The following ZNF638 variants were observed in gnomAD, a reference collection of about 807,000 sequenced individuals.
ZNF638 encodes the protein CTCL tumor antigen se33-1.
A neutral mutation model predicts 195.6 loss-of-function variants in ZNF638; 46 were observed. The ratio of observed to expected loss-of-function variants is 0.24; its 90% CI spans 0.19 to 0.30. The LOEUF (loss-of-function observed/expected upper bound fraction) is 0.30, where lower values mean the gene tolerates loss of function less well. Among genes scored for constraint, ZNF638 ranks in the 10% least tolerant of loss-of-function variants. The probability of loss-of-function intolerance (pLI) is 1.00; values close to 1 mark genes in which losing one functional copy is unlikely to be tolerated. For missense variants in ZNF638, 2,440 were observed against 2,325.3 expected (o/e 1.05, Z -1.01); for synonymous variants, 845 against 772.0 (o/e 1.09, Z -1.57).
chr2:71,386,895 T>A (rs1014944713), intron 10 of ZNF638, among the ~76,000 whole-genome samples: 1 of 152,068 alleles, frequency 6.6e-6, no homozygotes, highest in African/African-American at 2.4e-5. Context: ...TTGCCCAGGC[T>A]GGAGTTCAGT....
chr2:71,367,710 A>T (rs2079227118), intron 6 of ZNF638, among the ~76,000 whole-genome samples: 4 of 149,902 alleles, frequency 2.7e-5, no homozygotes, highest in Admixed American at 2.7e-4. Context: ...AAGTGCTGGG[A>T]TTACAGGCGT....
chr2:71,367,682 A>C (rs1007056001), intron 6 of ZNF638, among the ~76,000 whole-genome samples: 3 of 150,506 alleles, frequency 2.0e-5, no homozygotes, highest in South Asian at 2.1e-4. Context: ...CTTGTGATCT[A>C]TCCACCTTGG....
At chr2:71,335,846 A>G (rs921558736) in intron 1 of ZNF638, among the ~76,000 whole-genome samples, 3 of 152,190 alleles carry the variant, frequency 2.0e-5, no homozygotes, top group African/African-American at 7.2e-5. Context: ...GTTGTAACTC[A>G]CTACCTCCCA....
Position 71,433,019 on chromosome 2 carries a change from A to G in ZNF638, c.5753-146A>G. ...GGAGAATCACATGAACCCAGGAGGC[A>G]GAGGTTGCAGTGAGCTGACATCGCG... On this transcript the variant is annotated intron_variant, in intron 26 of 27. Transcript: ENST00000264447. The G allele has an allele frequency of 3.0e-6, 2 of 676,828 alleles. 1 individual carries two copies. Among genetic ancestry groups the G allele is most frequent in the South Asian group, 3.5e-5 (2 of 56,702 alleles). The allele number at this position is 676,828 out of a possible 1,614,324, so 41.9% of individuals were successfully genotyped here.
chr2:71,418,464 C>T, intron 20 of ZNF638, 138 bp from the exon 21 acceptor site: 1 of 508,476 alleles, frequency 2.0e-6, no homozygotes, highest in African/African-American at 2.0e-5. Context: ...GTAATGTAGA[C>T]ACTGAAAACT....
chr2:71,365,789 G>GACCTCA, intron 6 of ZNF638, 83 bp downstream of exon 6: 1 of 1,309,584 alleles, frequency 7.6e-7, no homozygotes, highest in Non-Finnish European at 1.0e-6. Flanking sequence ...CAACAAGCAT[G>GACCTCA]GCTCACTGCA....
intron 1 of ZNF638, among the ~76,000 whole-genome samples, chr2:71,337,694 A>T (rs565830166): frequency 6.6e-6 from 1 of 152,174 alleles, no homozygotes; most frequent in Non-Finnish European, 1.5e-5. Flanking sequence ...GCATGAGCCA[A>T]TGCGCAGCCT....
rs2080477137 is a variant in ZNF638, at chr2:71,423,693, C to A, written c.4179C>A (p.Ser1393Arg). Residue 1393 changes from serine (S) to arginine (R), a missense_variant, in exon 22 of 28, where the codon AGC becomes AGA. By Grantham distance (110) the Ser-to-Arg change is moderately radical (BLOSUM62 -1). Coordinates refer to ENST00000264447, the MANE Select transcript of ZNF638 (RefSeq NM_014497.5). ...AVSDVSSSKP[S>R]IKAVIVSSPK... ...CAGATGTATCTAGCAGTAAACCAAG[C>A]ATCAAGGCTGTTATAGTCTCTTCTC... 2 of 1,613,848 alleles carry A rather than the reference C, an allele frequency of 1.2e-6. No individual in the cohort carries two copies. The highest frequency in any genetic ancestry group is 1.7e-6 in the Non-Finnish European group (2 of 1,180,000).
intron 2 of ZNF638, among the ~76,000 whole-genome samples, chr2:71,353,539 A>G (rs540637844): frequency 1.3e-5 from 2 of 152,270 alleles, no homozygotes; most frequent in South Asian, 4.1e-4. Flanking sequence ...AGAGTCTAGA[A>G]GTTGGGGTGG....
intron 2 of ZNF638, among the ~76,000 whole-genome samples, chr2:71,355,398 CAGTA>C (rs1269433984): frequency 3.3e-5 from 5 of 151,702 alleles, no homozygotes; most frequent in Non-Finnish European, 5.9e-5. Flanking sequence ...TTTATATTTG[CAGTA>C]AGTTTTTTCT....
intron 3 of ZNF638, among the ~76,000 whole-genome samples, chr2:71,360,141 T>C (rs2104247225): frequency 6.6e-6 from 1 of 152,318 alleles, no homozygotes; most frequent in East Asian, 1.9e-4. Flanking sequence ...CCTTCTACTT[T>C]TTTATGGCTT....
At chr2:71,393,765 A>T (rs1266097453) in intron 10 of ZNF638, 5 of 627,150 alleles carry the variant, frequency 8.0e-6, no homozygotes, top group Non-Finnish European at 1.4e-5. Flanking sequence ...TTACCTGGGC[A>T]GGCACCCCCT....
intron 10 of ZNF638, chr2:71,395,441 C>G (rs139841409): frequency 1.6e-6 from 1 of 632,062 alleles, no homozygotes; most frequent in Admixed American, 2.6e-5. Flanking sequence ...TGCAAAGCTT[C>G]GGGAGAGAAT....
At chr2:71,431,957 C>T (rs2080674936) in intron 26 of ZNF638, among the ~76,000 whole-genome samples, 1 of 152,174 alleles carries the variant, frequency 6.6e-6, no homozygotes, top group South Asian at 2.1e-4. Context: ...GGATGTATCT[C>T]CTCTTTTATT....
At chr2:71,390,568 C>T (rs1004785356) in intron 10 of ZNF638, among the ~76,000 whole-genome samples, 2 of 152,124 alleles carry the variant, frequency 1.3e-5, no homozygotes, top group Non-Finnish European at 2.9e-5. Flanking sequence ...AGTTACTATT[C>T]TTACCGTACT....
chr2:71,409,039 G>C (rs1243688543), intron 20 of ZNF638, among the ~76,000 whole-genome samples: 2 of 152,052 alleles, frequency 1.3e-5, no homozygotes, highest in African/African-American at 4.8e-5. Context: ...TATTTTTCAA[G>C]CTGTTATTCA....
chr2:71,368,339 C>T, intron 6 of ZNF638, 43 bp from the exon 7 acceptor site: 1 of 1,571,982 alleles, frequency 6.4e-7, no homozygotes, highest in Non-Finnish European at 8.7e-7. Context: ...TACATTGTAG[C>T]TTAATTTGGT....
At position 71,349,208 on chromosome 2, in the gene ZNF638, A is replaced by G. The variant is rs758554465; in HGVS notation, c.254A>G (p.Glu85Gly). The change falls in exon 2 of 28, where the codon GAA (glutamate) becomes GGA (glycine). Residue 85 changes from glutamate to glycine, a missense_variant. Physicochemically the swap from Glu to Gly is moderately conservative, Grantham distance 98 (BLOSUM62 -2). Transcript: ENST00000264447. ...QHRTDPRLTK[E>G]KLDFHEAQQK... is the part of the protein sequence containing the mutation. The stretch of plus-strand genomic sequence containing the variant: ...AGAACTGATCCAAGATTGACCAAAG[A>G]AAAACTGGATTTTCATGAAGCACAA... The G allele has an allele frequency of 3.7e-6, 6 of 1,614,198 alleles. No homozygotes were observed. In the South Asian group the frequency reaches 6.6e-5, roughly 18 times the overall value.
At chr2:71,399,781 C>G (rs1417874910) in intron 13 of ZNF638, 136 bp downstream of exon 13, 1 of 705,884 alleles carries the variant, frequency 1.4e-6, no homozygotes, top group Non-Finnish European at 2.4e-6. Context: ...TATTTCATCA[C>G]CCAGATATTA....
Sources: allele counts gnomAD v4.1 joint callset (sites outside exome capture counted in the v4.1 genomes callset), GRCh38; gene constraint gnomAD v4.1.1; transcripts MANE v1.5; gene names NCBI Gene and HGNC (gene_info 2026-07-23, HGNC 2026-07-21).